Variants in KDM4C observed in about 807,000 individuals in gnomAD.
The protein encoded by KDM4C is lysine-specific demethylase 4C.
In KDM4C, 81 loss-of-function variants were observed where a neutral mutation model predicts 129.3. That is an observed-to-expected ratio of 0.63 (90% CI 0.52 to 0.75). KDM4C has a LOEUF of 0.75. KDM4C is among the 30% of genes least tolerant of loss of function. KDM4C has a pLI of 0.00. For missense variants in KDM4C, 1,457 were observed against 1,304.0 expected (o/e 1.12, Z -1.81); for synonymous variants, 573 against 456.1 (o/e 1.26, Z -3.26).
chr9:7,109,376 G>A (rs756528976), intron 18 of KDM4C, among the ~76,000 whole-genome samples: 1 of 152,172 alleles, frequency 6.6e-6, no homozygotes, highest in African/African-American at 2.4e-5. Context: ...CCCAGATGGG[G>A]ACCTGAACAA....
intron 8 of KDM4C, among the ~76,000 whole-genome samples, chr9:6,936,412 C>G (rs948716882): frequency 2.6e-5 from 4 of 152,104 alleles, no homozygotes; most frequent in Non-Finnish European, 4.4e-5. Flanking sequence ...AAAAAGAATG[C>G]ATATATACAT....
chr9:6,725,148 T>G (rs1462085983), intron 1 of KDM4C, among the ~76,000 whole-genome samples: 1 of 152,144 alleles, frequency 6.6e-6, no homozygotes, highest in Admixed American at 6.6e-5. Flanking sequence ...TTAAAAAATC[T>G]AATGTGATCC....
Position 7,122,383 on chromosome 9 carries a change from C to T in KDM4C, c.2611-5683C>T, listed in dbSNP as rs535740813. 2.6e-5 allele frequency among the ~76,000 whole-genome samples: 4 copies of T among 152,202 alleles called. No individual in the cohort carries two copies. The South Asian group carries it at 8.3e-4, about 32-fold the overall frequency. On this transcript the variant is annotated intron_variant, in intron 18 of 21. Transcript: ENST00000381309. ...ACCCCCGTGATCCAGTCACCTCCCA[C>T]CAGGCCCCACCTCCAATATTGGGGA...
At chr9:6,955,564 C>A (rs925541657) in intron 8 of KDM4C, among the ~76,000 whole-genome samples, 5 of 152,192 alleles carry the variant, frequency 3.3e-5, no homozygotes, top group Non-Finnish European at 5.9e-5. Context: ...TGTGCCGCAG[C>A]TTTATCGAAG....
chr9:7,096,035 C>T (rs1367327625), intron 17 of KDM4C, among the ~76,000 whole-genome samples: 1 of 152,160 alleles, frequency 6.6e-6, no homozygotes, highest in African/African-American at 2.4e-5. Flanking sequence ...CACCCATCAG[C>T]TGAAAGATGT....
Position 7,048,188 on chromosome 9 carries a change from C to T in KDM4C, c.2316-904C>T, listed in dbSNP as rs1377002026. Among the ~76,000 whole-genome samples, 7 of 152,000 alleles carry T rather than the reference C, an allele frequency of 4.6e-5. No homozygotes were observed. The East Asian group carries it at 1.4e-3, about 29-fold the overall frequency. On this transcript the variant is annotated intron_variant, in intron 16 of 21. Transcript: ENST00000381309. ...TCCTGTAAAAACACGGGTGATAAGA[C>T]GTTCTCTTCCTATGCTTGGACCACA...
chr9:6,735,582 C>T (rs1410478894), intron 1 of KDM4C, among the ~76,000 whole-genome samples: 1 of 152,206 alleles, frequency 6.6e-6, no homozygotes, highest in Admixed American at 6.5e-5. Context: ...AGTTTCCCTG[C>T]ACAAGCCCTC....
chr9:6,771,842 G>A (rs1821909077), intron 1 of KDM4C, among the ~76,000 whole-genome samples: 1 of 149,222 alleles, frequency 6.7e-6, no homozygotes, highest in Non-Finnish European at 1.5e-5. Context: ...GGGCCTCAAT[G>A]GGTGACCTGC....
At chr9:6,813,916 T>A (rs1037024569) in intron 3 of KDM4C, among the ~76,000 whole-genome samples, 2 of 152,174 alleles carry the variant, frequency 1.3e-5, no homozygotes, top group Non-Finnish European at 2.9e-5. Context: ...TATTCTGTAT[T>A]TTTTTTAGCT....
chr9:6,942,282 AGTGTGTGTGTGTGTGT>A (rs58676459), intron 8 of KDM4C, among the ~76,000 whole-genome samples: 2 of 142,624 alleles, frequency 1.4e-5, no homozygotes, highest in Admixed American at 7.0e-5. Flanking sequence ...TAGCCCTCAA[AGTGTGTGTGTGTGTGT>A]GTGTGTGTGT....
At chr9:7,040,965 A>G (rs185748518) in intron 15 of KDM4C, among the ~76,000 whole-genome samples, 247 of 150,154 alleles carry the variant, frequency 1.6e-3, no homozygotes, top group Non-Finnish European at 1.2e-3. Flanking sequence ...CTCTTCCAAT[A>G]TTATCACCCC....
intron 15 of KDM4C, among the ~76,000 whole-genome samples, chr9:7,035,238 T>C (rs942915211): frequency 1.3e-5 from 2 of 150,558 alleles, no homozygotes; most frequent in South Asian, 2.1e-4. Flanking sequence ...GGTCTTGAAC[T>C]CTTGGGCTCA....
At chr9:6,769,511 C>G (rs769548413) in intron 1 of KDM4C, among the ~76,000 whole-genome samples, 1 of 152,094 alleles carries the variant, frequency 6.6e-6, no homozygotes, top group African/African-American at 2.4e-5. Flanking sequence ...TTCATCATTT[C>G]TCAAATGGGA....
chr9:7,064,162 C>A (rs545225118), intron 17 of KDM4C, among the ~76,000 whole-genome samples: 3 of 152,138 alleles, frequency 2.0e-5, no homozygotes, highest in African/African-American at 7.2e-5. Flanking sequence ...TCACATGTAA[C>A]CACCCTTAAA....
chr9:6,888,032 T>C lies in KDM4C; in HGVS notation c.752T>C (p.Val251Ala), dbSNP rs1419167575. Residue 251 changes from valine (V) to alanine (A), a missense_variant, in exon 7 of 22, where the codon GTA becomes GCA. Val to Ala is a moderately conservative substitution (Grantham distance 64). Coordinates refer to ENST00000381309, the MANE Select transcript of KDM4C (RefSeq NM_015061.6). ...AAGATGACATTGATTTCTCCATCAG[T>C]ATTGAAGAAATATGGTATTCCCTTT... ...RHKMTLISPS[V>A]LKKYGIPFDK... 2 of 1,602,180 alleles carry C rather than the reference T, an allele frequency of 1.2e-6. No individual in the cohort carries two copies. The highest frequency in any genetic ancestry group is 1.7e-6 in the Non-Finnish European group (2 of 1,170,732).
intron 1 of KDM4C, among the ~76,000 whole-genome samples, chr9:6,791,459 T>C (rs1159250381): frequency 6.6e-6 from 1 of 152,180 alleles, no homozygotes; most frequent in Non-Finnish European, 1.5e-5. Flanking sequence ...GTTTGGAAGG[T>C]GAAGACAGAC....
chr9:6,993,960 C>A (rs919421258), intron 12 of KDM4C, among the ~76,000 whole-genome samples: 7 of 141,478 alleles, frequency 4.9e-5, no homozygotes, highest in African/African-American at 1.8e-4. Flanking sequence ...CTGTTCAGAC[C>A]ATCATTCCCC....
At chr9:7,055,097 G>C (rs541802102) in intron 17 of KDM4C, among the ~76,000 whole-genome samples, 1 of 152,202 alleles carries the variant, frequency 6.6e-6, no homozygotes, top group African/African-American at 2.4e-5. Flanking sequence ...AGAATTGCTT[G>C]AACCTGGGAG....
Position 7,052,898 on chromosome 9 carries a change from A to AGC in KDM4C, c.2424+3699_2424+3700insCG, listed in dbSNP as rs1554718543. On this transcript the variant is annotated intron_variant, in intron 17 of 21. Coordinates refer to ENST00000381309, the MANE Select transcript of KDM4C (RefSeq NM_015061.6). Reference sequence around the variant, plus strand: ...GAGAGAGAGAGAGAGAGAGAGAGAGAGAGCGAGCGAGTGCCCAAGGGATGA... The same window carrying AGC: ...GAGAGAGAGAGAGAGAGAGAGAGAGAGCGAGCGAGCGAGTGCCCAAGGGATGA... Among the ~76,000 whole-genome samples the AGC allele has an allele frequency of 4.8e-3, 227 of 47,598 alleles. 3 individuals are homozygous for AGC. The highest frequency in any genetic ancestry group is 0.01 in the African/African-American group (218 of 21,750). 31.2% of individuals were successfully genotyped at this position (47,598 alleles called of 152,430 possible). A position where few individuals can be genotyped will look rare whatever the true frequency, so the allele number is the denominator to read the frequency against.
Sources: allele counts gnomAD v4.1 joint callset (sites outside exome capture counted in the v4.1 genomes callset), GRCh38; gene constraint gnomAD v4.1.1; transcripts MANE v1.5; gene names NCBI Gene and HGNC (gene_info 2026-07-23, HGNC 2026-07-21).